Variants in RAPGEF6 observed in about 807,000 individuals in gnomAD.
RAPGEF6 encodes the protein PDZ domain containing guanine nucleotide exchange factor (GEF) 2.
In RAPGEF6, 56 loss-of-function variants were observed where a neutral mutation model predicts 171.4. The observed-to-expected ratio is 0.33, with a 90% CI of 0.26 to 0.41. The LOEUF (loss-of-function observed/expected upper bound fraction) is 0.41. RAPGEF6 is among the 10% of genes least tolerant of loss of function. The pLI is 1.00. For missense variants in RAPGEF6, 1,674 were observed against 1,921.4 expected, an observed-to-expected ratio of 0.87 and a Z score of 2.41; for synonymous variants, 692 against 650.1, an observed-to-expected ratio of 1.06 and a Z score of -0.98.
intron 4 of RAPGEF6, among the ~76,000 whole-genome samples, chr5:131,591,758 C>CA (rs1362187010): frequency 2.0e-5 from 3 of 152,094 alleles, no homozygotes; most frequent in African/African-American, 4.8e-5. Flanking sequence ...TGATTTACTC[C>CA]AAAAACCAAT....
chr5:131,576,365 C>G (rs1263443203), intron 4 of RAPGEF6, among the ~76,000 whole-genome samples: 1 of 152,200 alleles, frequency 6.6e-6, no homozygotes, highest in Non-Finnish European at 1.5e-5. Context: ...AACCCGGGCT[C>G]TCACCCTTGC....
chr5:131,505,358 T>C lies in RAPGEF6; in HGVS notation c.1101+6A>G. The C allele has an allele frequency of 6.2e-7, 1 of 1,613,164 alleles. No homozygotes were observed. Among genetic ancestry groups the C allele is most frequent in the African/African-American group, 1.3e-5 (1 of 75,012 alleles). On this transcript the variant is annotated splice_donor_region_variant and intron_variant, in intron 10 of 27. Transcript: ENST00000509018. ...CAAGAAGACTTGACCAAAGAGATAA[T>C]CTTACCTGACAATCATCTACTTTAG...
At chr5:131,556,942 A>G (rs970501705) in intron 5 of RAPGEF6, among the ~76,000 whole-genome samples, 1 of 152,054 alleles carries the variant, frequency 6.6e-6, no homozygotes, top group Non-Finnish European at 1.5e-5. Flanking sequence ...CACATTTGTT[A>G]AGTTTAATCT....
intron 11 of RAPGEF6, 126 bp from the exon 12 acceptor site, chr5:131,498,733 T>A: frequency 2.3e-6 from 2 of 870,444 alleles, no homozygotes; most frequent in Non-Finnish European, 3.6e-6. Context: ...GTTTCGCCTT[T>A]AAATCCTTAG....
intron 27 of RAPGEF6, among the ~76,000 whole-genome samples, chr5:131,427,668 A>G (rs994603808): frequency 1.3e-5 from 2 of 152,238 alleles, no homozygotes; most frequent in African/African-American, 4.8e-5. Context: ...TCAAGTTTCC[A>G]TGCATTAAGG....
At chr5:131,445,240 A>G (rs544078539) in intron 22 of RAPGEF6, among the ~76,000 whole-genome samples, 5 of 152,236 alleles carry the variant, frequency 3.3e-5, no homozygotes, top group Non-Finnish European at 5.9e-5. Context: ...TGTTTTGATT[A>G]TAGCACTTAT....
At chr5:131,547,979 C>G in intron 6 of RAPGEF6, 68 bp downstream of exon 6, 1 of 1,518,866 alleles carries the variant, frequency 6.6e-7, no homozygotes. Context: ...ACCAAAGATA[C>G]ATGTAAATTA....
chr5:131,540,066 T>C (rs1218937258), intron 6 of RAPGEF6, among the ~76,000 whole-genome samples: 1 of 152,238 alleles, frequency 6.6e-6, no homozygotes, highest in Non-Finnish European at 1.5e-5. Flanking sequence ...AAGAGCTGGC[T>C]GGCTCCATGT....
rs145868387 is a variant in RAPGEF6, at chr5:131,495,163, C to T, written c.1527+390G>A. ...CAAAACCTAGCTGGGCGTGGTGGTG[C>T]GCGTCTGAAGTCCCATCTACTCAGG... On this transcript the variant is annotated intron_variant, in intron 13 of 27. Transcript: ENST00000509018. Among the ~76,000 whole-genome samples, 572 of 151,848 alleles carry T rather than the reference C, an allele frequency of 3.8e-3. 4 individuals carry two copies. The highest frequency in any genetic ancestry group is 4.9e-3 in the Non-Finnish European group (331 of 67,916).
chr5:131,478,018 C>A (rs1232298773), intron 16 of RAPGEF6, among the ~76,000 whole-genome samples: 1 of 152,036 alleles, frequency 6.6e-6, no homozygotes, highest in African/African-American at 2.4e-5. Flanking sequence ...CCTTTTCTTA[C>A]AGTGTTTGCT....
intron 1 of RAPGEF6, among the ~76,000 whole-genome samples, chr5:131,627,046 A>G (rs1476449392): frequency 6.6e-6 from 1 of 152,224 alleles, no homozygotes; most frequent in Non-Finnish European, 1.5e-5. Context: ...GAATTAGAGT[A>G]GTAAAACTTG....
chr5:131,485,290 A>C (rs1403571489), intron 15 of RAPGEF6, among the ~76,000 whole-genome samples: 9 of 152,202 alleles, frequency 5.9e-5, no homozygotes, highest in African/African-American at 2.2e-4. Flanking sequence ...TTAAAATTCC[A>C]GGATAGGAAG....
At chr5:131,484,566 G>C (rs1164854183) in intron 15 of RAPGEF6, among the ~76,000 whole-genome samples, 1 of 152,088 alleles carries the variant, frequency 6.6e-6, no homozygotes, top group Admixed American at 6.6e-5. Context: ...TAAACTTTCA[G>C]AAAGTAAAAC....
intron 4 of RAPGEF6, among the ~76,000 whole-genome samples, chr5:131,576,046 G>GAA (rs1258709839): frequency 6.6e-6 from 1 of 152,080 alleles, no homozygotes; most frequent in Non-Finnish European, 1.5e-5. Context: ...ACTATTCATT[G>GAA]AAACTCCTAC....
intron 8 of RAPGEF6, among the ~76,000 whole-genome samples, chr5:131,509,314 T>C (rs777024470): frequency 3.4e-4 from 51 of 151,852 alleles, no homozygotes; most frequent in Middle Eastern, 3.2e-3. Context: ...GAGGCCGAGG[T>C]GGGCGGATCA....
Position 131,470,640 on chromosome 5 carries a change from T to C in RAPGEF6, c.2239+1947A>G, listed in dbSNP as rs75522076. 2.3e-3 allele frequency among the ~76,000 whole-genome samples: 348 copies of C among 152,330 alleles called. 1 individual carries two copies. The highest frequency in any genetic ancestry group is 8.2e-3 in the African/African-American group (341 of 41,578). On this transcript the variant is annotated intron_variant, in intron 17 of 27. Transcript: ENST00000509018. The stretch of plus-strand genomic sequence containing the variant: ...TGTGAAGACACTTTATTTTTGAATG[T>C]TCTACGTAGTGTGAAAAGCACTGCT...
intron 14 of RAPGEF6, 34 bp from the exon 15 acceptor site, chr5:131,489,688 G>A (rs1756153604): frequency 8.1e-7 from 1 of 1,229,388 alleles, no homozygotes; most frequent in Non-Finnish European, 1.1e-6. Flanking sequence ...AATTAATACA[G>A]AACAGTATTA....
intron 19 of RAPGEF6, among the ~76,000 whole-genome samples, chr5:131,460,867 A>G (rs1052778424): frequency 1.3e-5 from 2 of 152,200 alleles, no homozygotes; most frequent in Non-Finnish European, 2.9e-5. Flanking sequence ...GAGGAGTAGA[A>G]ACAAATCATT....
At chr5:131,505,249 G>T (rs1028843309) in intron 10 of RAPGEF6, 115 bp downstream of exon 10, 2 of 985,628 alleles carry the variant, frequency 2.0e-6, no homozygotes, top group Non-Finnish European at 3.1e-6. Context: ...TATTAACTGT[G>T]AGCTATTGAA....
Sources: gnomAD v4.1 joint callset for allele counts (sites outside exome capture counted in the v4.1 genomes callset) on GRCh38, gnomAD v4.1.1 for gene constraint, MANE v1.5 for transcripts, NCBI Gene and HGNC (gene_info 2026-07-23, HGNC 2026-07-21) for gene names.